Variants in SGCD observed in about 807,000 individuals in gnomAD.
The protein encoded by SGCD is delta-sarcoglycan.
In SGCD, 18 loss-of-function variants were observed where a neutral mutation model predicts 36.6. The ratio of observed to expected loss-of-function variants is 0.49; its 90% CI spans 0.34 to 0.73. The LOEUF (loss-of-function observed/expected upper bound fraction) is 0.73, where lower values mean the gene tolerates loss of function less well. SGCD is among the 30% of genes least tolerant of loss of function. SGCD has a pLI of 0.01. For synonymous variants in SGCD, 133 were observed against 130.6 expected (o/e 1.02, Z -0.12); for missense variants, 387 against 346.7 (o/e 1.12, Z -0.92).
At chr5:156,726,849 A>G (rs557172146) in intron 7 of SGCD, among the ~76,000 whole-genome samples, 1 of 152,338 alleles carries the variant, frequency 6.6e-6, no homozygotes, top group East Asian at 1.9e-4. Context: ...TTCAAAACCA[A>G]GTTTTGCTGC....
At chr5:156,267,555 C>T (rs1348484886) in intron 3 of SGCD, among the ~76,000 whole-genome samples, 1 of 152,172 alleles carries the variant, frequency 6.6e-6, no homozygotes, top group East Asian at 1.9e-4. Flanking sequence ...AATTTCCCTC[C>T]CTGAGCACAG....
At chr5:156,403,392 C>T (rs1361916033) in intron 3 of SGCD, among the ~76,000 whole-genome samples, 1 of 152,194 alleles carries the variant, frequency 6.6e-6, no homozygotes, top group East Asian at 1.9e-4. Context: ...TGGGCATAGG[C>T]ACTGGGGAGT....
chr5:156,657,729 C>G (rs1028334885), intron 7 of SGCD, among the ~76,000 whole-genome samples: 1 of 151,886 alleles, frequency 6.6e-6, no homozygotes, highest in African/African-American at 2.4e-5. Context: ...TGCCCCTACA[C>G]ACCTGTGGGT....
intron 3 of SGCD, among the ~76,000 whole-genome samples, chr5:156,440,076 T>C (rs1482388428): frequency 6.6e-6 from 1 of 152,128 alleles, no homozygotes; most frequent in Non-Finnish European, 1.5e-5. Context: ...CTCCATCTAA[T>C]TCTAAAGCAC....
chr5:155,914,817 A>G (rs1756704148), intron 1 of SGCD, among the ~76,000 whole-genome samples: 1 of 152,198 alleles, frequency 6.6e-6, no homozygotes, highest in African/African-American at 2.4e-5. Flanking sequence ...GCTATTACCC[A>G]GCAGTGAACA....
chr5:155,907,920 T>C (rs977013776), intron 1 of SGCD, among the ~76,000 whole-genome samples: 7 of 152,076 alleles, frequency 4.6e-5, no homozygotes, highest in Admixed American at 2.0e-4. Flanking sequence ...GAGAAATCTT[T>C]TGTGAAAGAA....
chr5:156,367,289 T>C (rs1770154268), intron 3 of SGCD, among the ~76,000 whole-genome samples: 1 of 152,226 alleles, frequency 6.6e-6, no homozygotes, highest in Non-Finnish European at 1.5e-5. Context: ...TATGAATTTC[T>C]GCAAAATGAT....
chr5:155,806,265 C>T, the SGCD span, among the ~76,000 whole-genome samples: 220 of 152,320 alleles, frequency 1.4e-3, 2 homozygotes, highest in African/African-American at 4.7e-3. Context: ...AGCGATTCTC[C>T]TGCCTTAGCC....
the SGCD span, among the ~76,000 whole-genome samples, chr5:155,777,112 A>G: frequency 3.9e-5 from 6 of 152,154 alleles, no homozygotes; most frequent in Non-Finnish European, 7.4e-5. Flanking sequence ...TGGAAGAAAC[A>G]TTATCAAACT....
At chr5:156,577,400 G>A (rs1760012734) in intron 4 of SGCD, among the ~76,000 whole-genome samples, 1 of 151,972 alleles carries the variant, frequency 6.6e-6, no homozygotes. Context: ...TGGCAATGAG[G>A]GCTATTTTAT....
At chr5:156,123,109 G>A (rs547128598) in intron 2 of SGCD, among the ~76,000 whole-genome samples, 1 of 152,092 alleles carries the variant, frequency 6.6e-6, no homozygotes, top group Non-Finnish European at 1.5e-5. Context: ...ACTAAGTCAT[G>A]ACCTCAGTTG....
At chr5:156,365,834 A>G (rs1389927536) in intron 3 of SGCD, among the ~76,000 whole-genome samples, 1 of 152,198 alleles carries the variant, frequency 6.6e-6, no homozygotes, top group Admixed American at 6.5e-5. Context: ...ATATATTTAA[A>G]TGTACATGTA....
intron 7 of SGCD, among the ~76,000 whole-genome samples, chr5:156,736,543 G>A (rs965075170): frequency 6.6e-6 from 1 of 151,696 alleles, no homozygotes; most frequent in Non-Finnish European, 1.5e-5. Context: ...GACCCCCAGA[G>A]GAATGCACTA....
At chr5:156,567,519 A>G (rs956062886) in intron 4 of SGCD, among the ~76,000 whole-genome samples, 2 of 152,180 alleles carry the variant, frequency 1.3e-5, no homozygotes, top group African/African-American at 4.8e-5. Context: ...GCCATTGTCC[A>G]GTTCATGTCT....
At chr5:156,185,487 T>A (rs1034620207) in intron 3 of SGCD, among the ~76,000 whole-genome samples, 106 of 152,226 alleles carry the variant, frequency 7.0e-4, no homozygotes, top group Non-Finnish European at 1.4e-3. Flanking sequence ...GTGCTGGGAT[T>A]ACAGATGTGA....
intron 3 of SGCD, among the ~76,000 whole-genome samples, chr5:156,401,029 G>T (rs12716390): frequency 0.72 from 109,106 of 152,128 alleles, 40,349 homozygotes; most frequent in African/African-American, 0.91. Flanking sequence ...CCTAGACACT[G>T]CAGATAATAT....
chr5:155,811,368 G>A, the SGCD span, among the ~76,000 whole-genome samples: 1 of 152,108 alleles, frequency 6.6e-6, no homozygotes, highest in African/African-American at 2.4e-5. Context: ...CAGTTAAAAG[G>A]TGTTTGTAGA....
chr5:155,766,087 G>A, the SGCD span, among the ~76,000 whole-genome samples: 1 of 152,134 alleles, frequency 6.6e-6, no homozygotes, highest in Non-Finnish European at 1.5e-5. Flanking sequence ...AGGGGTAGAA[G>A]ATGTGAAAGG....
intron 7 of SGCD, among the ~76,000 whole-genome samples, chr5:156,670,116 C>T (rs1451945608): frequency 1.3e-5 from 2 of 152,136 alleles, no homozygotes; most frequent in Admixed American, 6.5e-5. Flanking sequence ...AAAATTATAT[C>T]ATCTAGATTA....
Sources: allele counts gnomAD v4.1 joint callset (sites outside exome capture counted in the v4.1 genomes callset), GRCh38; gene constraint gnomAD v4.1.1; transcripts MANE v1.5; gene names NCBI Gene and HGNC (gene_info 2026-07-23, HGNC 2026-07-21).